CTNNA3: variants seen among roughly 807,000 people sequenced by gnomAD.
CTNNA3 encodes the protein catenin alpha 3.
A neutral mutation model predicts 95.7 loss-of-function variants in CTNNA3; 76 were observed. That is an observed-to-expected ratio of 0.79 (90% CI 0.66 to 0.96). The LOEUF (loss-of-function observed/expected upper bound fraction) is 0.96. CTNNA3 is among the 40% of genes least tolerant of loss of function. The pLI is 0.00. For missense variants in CTNNA3, 1,191 were observed against 1,089.8 expected (o/e 1.09, Z -1.31); for synonymous variants, 431 against 374.4 (o/e 1.15, Z -1.74).
At chr10:66,508,406 T>C (rs1408592290) in intron 11 of CTNNA3, among the ~76,000 whole-genome samples, 1 of 151,918 alleles carries the variant, frequency 6.6e-6, no homozygotes, top group Non-Finnish European at 1.5e-5. Flanking sequence ...TGCTGAAAAC[T>C]CCTGATAACA....
chr10:67,546,551 A>C (rs1840848788), intron 3 of CTNNA3, among the ~76,000 whole-genome samples: 1 of 152,242 alleles, frequency 6.6e-6, no homozygotes, highest in African/African-American at 2.4e-5. Flanking sequence ...AAACAAACTG[A>C]CAAAGGAACA....
chr10:65,983,673 T>C (rs560902381), intron 16 of CTNNA3, among the ~76,000 whole-genome samples: 1 of 151,566 alleles, frequency 6.6e-6, no homozygotes, highest in Non-Finnish European at 1.5e-5. Context: ...GACTTAAATA[T>C]ATCTTTGATG....
intron 7 of CTNNA3, among the ~76,000 whole-genome samples, chr10:67,159,248 T>C (rs980481496): frequency 6.6e-6 from 1 of 152,138 alleles, no homozygotes; most frequent in South Asian, 2.1e-4. Flanking sequence ...ATCCTTAGAG[T>C]TGTGAGCCCT....
chr10:66,356,921 T>C (rs1057246752), intron 12 of CTNNA3, among the ~76,000 whole-genome samples: 13 of 152,124 alleles, frequency 8.5e-5, no homozygotes, highest in African/African-American at 2.7e-4. Flanking sequence ...TAATTAATTT[T>C]TGAATTTTGA....
chr10:67,405,067 T>C (rs1461195263), intron 5 of CTNNA3, among the ~76,000 whole-genome samples: 1 of 152,088 alleles, frequency 6.6e-6, no homozygotes, highest in Non-Finnish European at 1.5e-5. Flanking sequence ...AAGCACTAAA[T>C]ATAAAAAGGG....
At chr10:67,692,446 C>T (rs1329154380) in intron 1 of CTNNA3, among the ~76,000 whole-genome samples, 1 of 131,832 alleles carries the variant, frequency 7.6e-6, no homozygotes, top group South Asian at 2.8e-4. Flanking sequence ...TTACCCCCAA[C>T]CCTGTGCTCT....
At chr10:66,680,224 G>A (rs1241364443) in intron 9 of CTNNA3, among the ~76,000 whole-genome samples, 2 of 151,688 alleles carry the variant, frequency 1.3e-5, no homozygotes, top group East Asian at 3.9e-4. Flanking sequence ...TAGAGATGGG[G>A]TTTCACTGTG....
intron 5 of CTNNA3, among the ~76,000 whole-genome samples, chr10:67,342,316 A>G (rs1842236964): frequency 6.6e-6 from 1 of 151,738 alleles, no homozygotes; most frequent in African/African-American, 2.4e-5. Flanking sequence ...TTAAGCCAGG[A>G]TGGTCTCAAT....
At chr10:67,409,600 TA>T (rs1041035238) in intron 5 of CTNNA3, among the ~76,000 whole-genome samples, 2 of 150,678 alleles carry the variant, frequency 1.3e-5, no homozygotes, top group Non-Finnish European at 1.5e-5. Context: ...GGAGGTGGGG[TA>T]GGGGGAGGGA....
chr10:66,126,377 G>A (rs1176987460), intron 13 of CTNNA3, among the ~76,000 whole-genome samples: 1 of 152,166 alleles, frequency 6.6e-6, no homozygotes, highest in African/African-American at 2.4e-5. Context: ...TTCATGTTTA[G>A]CTAAATATAG....
At chr10:67,300,391 G>C (rs116630299) in intron 5 of CTNNA3, among the ~76,000 whole-genome samples, 1,769 of 152,216 alleles carry the variant, frequency 0.012, 38 homozygotes, top group African/African-American at 0.039. Context: ...TTCCTACAGA[G>C]GACAGCAACC....
intron 1 of CTNNA3, among the ~76,000 whole-genome samples, chr10:67,737,928 T>A (rs1237688383): frequency 1.3e-5 from 2 of 152,178 alleles, no homozygotes; most frequent in African/African-American, 2.4e-5. Flanking sequence ...GGAGTATAAA[T>A]CATGCTGCTA....
chr10:67,293,226 C>T (rs1839905497), intron 5 of CTNNA3, among the ~76,000 whole-genome samples: 2 of 152,114 alleles, frequency 1.3e-5, no homozygotes, highest in Non-Finnish European at 1.5e-5. Flanking sequence ...AGGAAAACAT[C>T]TCCAAAGGTC....
At chr10:67,729,591 A>G (rs1191755547) in intron 1 of CTNNA3, among the ~76,000 whole-genome samples, 1 of 152,172 alleles carries the variant, frequency 6.6e-6, no homozygotes, top group Non-Finnish European at 1.5e-5. Flanking sequence ...AGTATAAACT[A>G]TCTACAAAGT....
intron 10 of CTNNA3, among the ~76,000 whole-genome samples, chr10:66,547,365 A>G (rs1474861380): frequency 3.8e-3 from 12 of 3,118 alleles, no homozygotes; most frequent in Non-Finnish European, 0.013. Context: ...TTTTTTTGAG[A>G]TAGAGTCTGC....
chr10:67,566,498 G>A (rs1316769029), intron 3 of CTNNA3, among the ~76,000 whole-genome samples: 5 of 152,076 alleles, frequency 3.3e-5, no homozygotes, highest in East Asian at 1.9e-4. Flanking sequence ...TTAGAATGGC[G>A]ATCATTAAAA....
At chr10:66,644,752 T>C (rs1185385643) in intron 9 of CTNNA3, among the ~76,000 whole-genome samples, 1 of 152,060 alleles carries the variant, frequency 6.6e-6, no homozygotes, top group South Asian at 2.1e-4. Context: ...TAATTTTTCT[T>C]AGTGTGGTAT....
intron 15 of CTNNA3, among the ~76,000 whole-genome samples, chr10:66,058,605 T>G (rs987229103): frequency 6.6e-6 from 1 of 152,168 alleles, no homozygotes; most frequent in Non-Finnish European, 1.5e-5. Context: ...TGAGGAAAGC[T>G]GAGAGCTCAG....
At chr10:66,873,378 G>GT (rs58775377) in intron 7 of CTNNA3, among the ~76,000 whole-genome samples, 75,390 of 149,048 alleles carry the variant, frequency 0.51, 19,319 homozygotes, top group Non-Finnish European at 0.54. Flanking sequence ...TTTGTTTTTT[G>GT]TTTTTTTTTT....
Sources: allele counts gnomAD v4.1 joint callset (sites outside exome capture counted in the v4.1 genomes callset), GRCh38; gene constraint gnomAD v4.1.1; transcripts MANE v1.5; gene names NCBI Gene and HGNC (gene_info 2026-07-23, HGNC 2026-07-21).